Variants in ANKRD11 observed in about 807,000 individuals in gnomAD.
ANKRD11 encodes the protein ankyrin repeat domain-containing protein 11.
In ANKRD11, 17 loss-of-function variants were observed where a neutral mutation model predicts 195.7. The observed-to-expected ratio is 0.09, with a 90% CI of 0.06 to 0.13. The LOEUF (loss-of-function observed/expected upper bound fraction) is 0.13. ANKRD11 is among the 10% of genes least tolerant of loss of function. The pLI, the probability that ANKRD11 is intolerant of heterozygous loss-of-function variation, is 1.00. For synonymous variants in ANKRD11, 1,953 were observed against 1,528.1 expected, an observed-to-expected ratio of 1.28 and a Z score of -6.49; for missense variants, 3,735 against 3,566.1, an observed-to-expected ratio of 1.05 and a Z score of -1.21.
chr16:89,268,557 G>T lies in ANKRD11; in HGVS notation c.7913C>A (p.Ser2638Tyr), dbSNP rs1203305801. ...GGAGGGCACCTCGTTCACGCACAGGGACTTGTGCCCGGCGGGGTCCAGTTC... is the reference window on the plus strand; with the variant it reads ...GGAGGGCACCTCGTTCACGCACAGGTACTTGTGCCCGGCGGGGTCCAGTTC... ...VQELDPAGHK[S>Y]LCVNEVPSFY... Residue 2638 changes from serine to tyrosine, a missense_variant, in exon 13 of 13, where the codon TCC becomes TAC. Ser to Tyr is a moderately radical substitution (Grantham distance 144). Coordinates refer to ENST00000301030, the MANE Select transcript of ANKRD11 (RefSeq NM_013275.6). The T allele has an allele frequency of 7.3e-6, 11 of 1,511,090 alleles. No individual in the cohort carries two copies. The highest frequency in any genetic ancestry group is 9.0e-6 in the Non-Finnish European group (10 of 1,111,958). The allele number at this position is 1,511,090 out of a possible 1,614,324, so 93.6% of individuals were successfully genotyped here.
At position 89,448,773 on chromosome 16, in the gene ANKRD11, C is replaced by G. The variant is rs116385687; in HGVS notation, c.-144-30405G>C. Among the ~76,000 whole-genome samples, 1,348 of 152,254 alleles carry G rather than the reference C, an allele frequency of 8.9e-3. 23 individuals are homozygous for G. Among genetic ancestry groups the G allele is most frequent in the African/African-American group, 0.03 (1,260 of 41,534 alleles). ...GACGAGACGGTGCTGGACTAGCAGT[C>G]CTAGAAAAACCCTCACCAGCACCGC... On this transcript the variant is annotated intron_variant, in intron 1 of 12. Coordinates refer to ENST00000301030, the MANE Select transcript of ANKRD11 (RefSeq NM_013275.6).
chr16:89,360,600 T>C (rs553447983), intron 2 of ANKRD11: 19 of 152,336 alleles, frequency 1.2e-4, no homozygotes, highest in Non-Finnish European at 7.3e-5. Flanking sequence ...AAGTCGGGAA[T>C]GACAGCATTC....
intron 1 of ANKRD11, among the ~76,000 whole-genome samples, chr16:89,465,503 C>T (rs2056850609): frequency 6.6e-6 from 1 of 152,182 alleles, no homozygotes; most frequent in Non-Finnish European, 1.5e-5. Flanking sequence ...CTGTGCCACA[C>T]CGCCCGCCCG....
Position 89,284,104 on chromosome 16 carries a change from G to A in ANKRD11, c.2438C>T (p.Ala813Val). Residue 813 changes from alanine to valine, a missense_variant, in exon 9 of 13, where the codon GCT becomes GTT. Transcript: ENST00000301030. The stretch of plus-strand genomic sequence containing the variant: ...ATTTTTGTTACAATATTCGTCAAAA[G>A]CAGAATCTTCCCTATAAACCTTTTC... ...KKEKVYREDS[A>V]FDEYCNKNQF... 6.2e-7 allele frequency: 1 copy of A among 1,613,868 alleles called. No individual in the cohort carries two copies. The highest frequency in any genetic ancestry group is 2.2e-5 in the East Asian group (1 of 44,884).
At chr16:89,426,866 G>A (rs1432661099) in intron 1 of ANKRD11, among the ~76,000 whole-genome samples, 1 of 152,144 alleles carries the variant, frequency 6.6e-6, no homozygotes, top group African/African-American at 2.4e-5. Context: ...CTCAACAATC[G>A]CTTAGTTATT....
intron 2 of ANKRD11, among the ~76,000 whole-genome samples, chr16:89,396,915 G>A (rs966501839): frequency 1.3e-5 from 2 of 151,286 alleles, no homozygotes; most frequent in Non-Finnish European, 2.9e-5. Flanking sequence ...TCAAACTCCT[G>A]ACCTCAGGTG....
At chr16:89,347,167 G>T (rs2038979881) in intron 2 of ANKRD11, among the ~76,000 whole-genome samples, 1 of 152,170 alleles carries the variant, frequency 6.6e-6, no homozygotes, top group Non-Finnish European at 1.5e-5. Flanking sequence ...TGCTGAAATG[G>T]AAATGTGAAT....
intron 4 of ANKRD11, chr16:89,301,449 C>G (rs2035847611): frequency 2.5e-6 from 1 of 396,864 alleles, no homozygotes; most frequent in Non-Finnish European, 4.4e-6. Flanking sequence ...TACAAGAGGC[C>G]CCGGGCAGAC....
intron 1 of ANKRD11, among the ~76,000 whole-genome samples, chr16:89,462,155 A>T (rs1270760974): frequency 1.3e-5 from 2 of 149,330 alleles, no homozygotes; most frequent in East Asian, 4.0e-4. Context: ...TACTGCTGCC[A>T]TCTCGGCTCA....
intron 1 of ANKRD11, among the ~76,000 whole-genome samples, chr16:89,455,179 C>A (rs1208176139): frequency 7.5e-6 from 1 of 133,972 alleles, no homozygotes; most frequent in African/African-American, 2.8e-5. Flanking sequence ...CCCCTGGGTG[C>A]TTCTAGCATT....
In ANKRD11 at chr16:89,280,804, G is replaced by T. The variant is rs142373563; in HGVS notation, c.5738C>A (p.Thr1913Asn). The part of the protein sequence containing the change: ...LEGALPPDLD[T>N]SEDQQATAAI... ...GGCCGTCGCCTGCTGGTCCTCGGAGGTGTCCAGGTCCGGGGGAAGGGCCCC... is the reference window on the plus strand; with the variant it reads ...GGCCGTCGCCTGCTGGTCCTCGGAGTTGTCCAGGTCCGGGGGAAGGGCCCC... Residue 1913 changes from threonine to asparagine, a missense_variant, in exon 9 of 13, where the codon ACC (threonine) becomes AAC (asparagine). Transcript: ENST00000301030. 394 of 1,609,356 alleles carry T rather than the reference G, an allele frequency of 2.4e-4. No homozygotes were observed. In the African/African-American group the frequency reaches 4.5e-3, roughly 18 times the overall value.
intron 7 of ANKRD11, chr16:89,286,989 A>G: frequency 7.8e-7 from 1 of 1,289,748 alleles, no homozygotes; most frequent in South Asian, 1.2e-5. Flanking sequence ...TTGTTGAATC[A>G]GTACAGAGTT....
At chr16:89,287,968 C>T in intron 7 of ANKRD11, 4 of 469,692 alleles carry the variant, frequency 8.5e-6, no homozygotes, top group South Asian at 1.1e-4. Context: ...CGCCGCATCT[C>T]CAGGCAGCAC....
chr16:89,278,692 G>A (rs763358655), intron 9 of ANKRD11: 44 of 483,156 alleles, frequency 9.1e-5, no homozygotes, highest in South Asian at 4.0e-4. Context: ...AGAAGGGGGC[G>A]GGGCAGGGGC....
chr16:89,343,253 G>A (rs1051128497), intron 2 of ANKRD11, among the ~76,000 whole-genome samples: 17 of 152,150 alleles, frequency 1.1e-4, no homozygotes, highest in Admixed American at 6.5e-4. Flanking sequence ...TCGGCCTCCC[G>A]AAGTGCTGGG....
chr16:89,393,635 C>A (rs2041299452), intron 2 of ANKRD11, among the ~76,000 whole-genome samples: 1 of 152,028 alleles, frequency 6.6e-6, no homozygotes, highest in South Asian at 2.1e-4. Context: ...AGCCACTGCG[C>A]CCGGCCTAGT....
At chr16:89,407,684 C>CAT (rs1052445734) in intron 2 of ANKRD11, among the ~76,000 whole-genome samples, 3 of 150,984 alleles carry the variant, frequency 2.0e-5, no homozygotes, top group African/African-American at 7.3e-5. Context: ...CACACACACA[C>CAT]ATAGACACAC....
At chr16:89,460,325 T>A (rs996104758) in intron 1 of ANKRD11, among the ~76,000 whole-genome samples, 4 of 151,916 alleles carry the variant, frequency 2.6e-5, no homozygotes, top group Non-Finnish European at 5.9e-5. Context: ...ATAATAAGTG[T>A]ATCCTATAAA....
At chr16:89,333,728 C>A (rs980817430) in intron 2 of ANKRD11, among the ~76,000 whole-genome samples, 1 of 152,180 alleles carries the variant, frequency 6.6e-6, no homozygotes, top group African/African-American at 2.4e-5. Context: ...GATCCATTCA[C>A]CCTCTGCAGG....
Sources: gnomAD v4.1 joint callset for allele counts (sites outside exome capture counted in the v4.1 genomes callset) on GRCh38, gnomAD v4.1.1 for gene constraint, MANE v1.5 for transcripts, NCBI Gene and HGNC (gene_info 2026-07-23, HGNC 2026-07-21) for gene names.